SHPK: variants seen among roughly 807,000 people sequenced by gnomAD.
The protein encoded by SHPK is carbohydrate kinase-like protein.
SHPK carries 51 observed loss-of-function variants against 46.3 expected under a neutral mutation model. That is an observed-to-expected ratio of 1.10 (90% confidence interval 0.88 to 1.39). SHPK has a LOEUF of 1.39. Ranked by LOEUF, SHPK falls within the 40% of genes most tolerant of loss-of-function variation. SHPK has a pLI of 0.00. For synonymous variants in SHPK, 290 were observed against 273.9 expected (o/e 1.06, Z -0.58); for missense variants, 668 against 641.3 (o/e 1.04, Z -0.45).
intron 6 of SHPK, among the ~76,000 whole-genome samples, chr17:3,611,517 G>A (rs1027982616): frequency 1.3e-5 from 2 of 152,156 alleles, no homozygotes; most frequent in South Asian, 2.1e-4. Flanking sequence ...TGCAGTGAGC[G>A]GAGCTTGCAC....
intron 4 of SHPK, 32 bp downstream of exon 4, chr17:3,623,307 G>A (rs2075413422): frequency 1.2e-6 from 2 of 1,612,770 alleles, no homozygotes; most frequent in East Asian, 2.2e-5. Flanking sequence ...GATTGGAGCA[G>A]GAGGAACAGC....
intron 2 of SHPK, among the ~76,000 whole-genome samples, chr17:3,628,361 C>T (rs768392031): frequency 1.2e-4 from 18 of 148,966 alleles, no homozygotes; most frequent in Non-Finnish European, 1.9e-4. Flanking sequence ...CTTGTTCTGT[C>T]GCCCAGGTTG....
In SHPK at chr17:3,610,471, C is replaced by CCA; in HGVS notation, c.*88_*89insTG. On this transcript the variant is annotated 3_prime_UTR_variant, in exon 7 of 7. Coordinates refer to ENST00000225519, the MANE Select transcript of SHPK (RefSeq NM_013276.4). ...CACTGCTTGAAAGCTGTCCACTGAA[C>CCA]GGTCCAGGGAAAGGATGACCCACAG... 1 of 1,351,652 alleles carries CCA rather than the reference C, an allele frequency of 7.4e-7. No homozygotes were observed. Among genetic ancestry groups the CCA allele is most frequent in the Non-Finnish European group, 1.0e-6 (1 of 984,454 alleles). 83.7% of individuals were successfully genotyped at this position (1,351,652 alleles called of 1,614,324 possible). A position where few individuals can be genotyped will look rare whatever the true frequency, so the allele number is the denominator to read the frequency against.
chr17:3,619,317 C>T, intron 5 of SHPK: 4 of 1,077,706 alleles, frequency 3.7e-6, no homozygotes, highest in Non-Finnish European at 5.7e-6. Flanking sequence ...GATCAGTCCA[C>T]CACAGTTACG....
Position 3,615,452 on chromosome 17 carries a change from T to C in SHPK, c.909A>G (p.Pro303=). ...QPAQTPDPTA[P]VAYFPYFNRT... is the part of the protein sequence containing the mutation. The stretch of plus-strand genomic sequence containing the variant: ...TGTTGAAGTATGGGAAGTAGGCGAC[T>C]GGGGCCGTAGGGTCTGGAGTCTGTG... The change falls in exon 6 of 7, where the codon CCA becomes CCG. Residue 303 remains proline (P), a synonymous_variant. Transcript: ENST00000225519. 9.3e-6 allele frequency: 15 copies of C among 1,614,136 alleles called. No individual in the cohort carries two copies. The highest frequency in any genetic ancestry group is 1.3e-5 in the Non-Finnish European group (15 of 1,180,008).
At chr17:3,613,588 C>T (rs1026425855) in intron 6 of SHPK, among the ~76,000 whole-genome samples, 3 of 151,904 alleles carry the variant, frequency 2.0e-5, no homozygotes, top group Non-Finnish European at 2.9e-5. Context: ...AGGCTGGTCT[C>T]GAACTCCTGA....
chr17:3,630,922 T>C (rs1176565889), intron 1 of SHPK, among the ~76,000 whole-genome samples: 1 of 152,038 alleles, frequency 6.6e-6, no homozygotes, highest in Non-Finnish European at 1.5e-5. Context: ...GGAAGAGAAT[T>C]GTGGCTCAGC....
chr17:3,630,323 T>G lies in SHPK; in HGVS notation c.192A>C (p.Arg64Ser). 1 of 1,612,198 alleles carries G rather than the reference T, an allele frequency of 6.2e-7. No individual in the cohort carries two copies. Among genetic ancestry groups the G allele is most frequent in the Non-Finnish European group, 8.5e-7 (1 of 1,179,298 alleles). Residue 64 changes from arginine (R) to serine (S), a missense_variant, in exon 2 of 7, where the codon AGA (arginine) becomes AGC (serine). Transcript: ENST00000225519. ...GGCACTCGTGTAGGGCTTGGAGGAT[T>G]CTACTCACATCCTGCTCCCGCCCCT... The part of the protein sequence containing the change: ...GPQGREQDVS[R>S]ILQALHECLA...
At chr17:3,615,036 G>C (rs544346031) in intron 6 of SHPK, among the ~76,000 whole-genome samples, 2 of 151,798 alleles carry the variant, frequency 1.3e-5, no homozygotes, top group East Asian at 3.9e-4. Flanking sequence ...AGCAGGAGGA[G>C]AAAAGAGGGA....
intron 1 of SHPK, among the ~76,000 whole-genome samples, chr17:3,632,105 C>T (rs1027586632): frequency 4.0e-5 from 6 of 151,686 alleles, no homozygotes; most frequent in South Asian, 2.1e-4. Flanking sequence ...TATAGGTGCG[C>T]GCCACCACAC....
At chr17:3,612,683 G>A (rs951581584) in intron 6 of SHPK, among the ~76,000 whole-genome samples, 1 of 151,730 alleles carries the variant, frequency 6.6e-6, no homozygotes, top group Non-Finnish European at 1.5e-5. Context: ...GGGAGCCCCC[G>A]ACCTAGACCT....
rs144355201 is a variant in SHPK, at chr17:3,633,958, G to C, written c.168+2094C>G. ...TTCTGCCTTGGGATCCTGTTGATCT[G>C]TGACCTTACCCCCAACCCTGTGCTC... On this transcript the variant is annotated intron_variant, in intron 1 of 6. Transcript: ENST00000225519. 1.1e-4 allele frequency among the ~76,000 whole-genome samples: 17 copies of C among 150,558 alleles called. 1 individual carries two copies. The highest frequency in any genetic ancestry group is 7.3e-4 in the Admixed American group (11 of 15,014).
Position 3,636,040 on chromosome 17 carries a change from G to GGTCCAACTCACCTGGGGCCCGGCC in SHPK, c.156_168+11dup, listed in dbSNP as rs770382145. The GGTCCAACTCACCTGGGGCCCGGCC allele has an allele frequency of 6.5e-7, 1 of 1,539,434 alleles. No homozygotes were observed. Among genetic ancestry groups the GGTCCAACTCACCTGGGGCCCGGCC allele is most frequent in the Non-Finnish European group, 8.7e-7 (1 of 1,146,898 alleles). On this transcript the variant is annotated intron_variant, in intron 1 of 6. Transcript: ENST00000225519. ...CTCCTGGAGGCGGCGCGGCCCCGGG[G>GGTCCAACTCACCTGGGGCCCGGCC]GTCCAACTCACCTGGGGCCCGGCCA...
chr17:3,612,367 A>G (rs1011977824), intron 6 of SHPK, among the ~76,000 whole-genome samples: 5 of 151,044 alleles, frequency 3.3e-5, no homozygotes, highest in Admixed American at 3.3e-4. Flanking sequence ...CAGAGCTTGC[A>G]GTGAGCTGAG....
chr17:3,635,890 TCATGAGCACAG>T (rs1217148266), intron 1 of SHPK, among the ~76,000 whole-genome samples, 151 bp downstream of exon 1: 4 of 151,920 alleles, frequency 2.6e-5, no homozygotes, highest in African/African-American at 9.7e-5. Context: ...ACCTAAGGGA[TCATGAGCACAG>T]CTGCTGCAGG....
At chr17:3,629,728 T>TA (rs59844560) in intron 2 of SHPK, among the ~76,000 whole-genome samples, 44,030 of 121,550 alleles carry the variant, frequency 0.36, 8,609 homozygotes, top group East Asian at 0.67. Flanking sequence ...AACTCCACCT[T>TA]AAAAAAAAAA....
chr17:3,630,394 G>C, intron 1 of SHPK, 48 bp from the exon 2 acceptor site: 1 of 1,557,354 alleles, frequency 6.4e-7, no homozygotes, highest in South Asian at 1.2e-5. Flanking sequence ...CACAGGCAGG[G>C]GGAGGGGCGC....
chr17:3,635,582 G>A (rs945311450), intron 1 of SHPK, among the ~76,000 whole-genome samples: 6 of 152,232 alleles, frequency 3.9e-5, no homozygotes, highest in Non-Finnish European at 8.8e-5. Context: ...AATGAGCCAG[G>A]AGCCAGTTAG....
chr17:3,626,166 C>A (rs2075435706), intron 2 of SHPK, among the ~76,000 whole-genome samples: 2 of 152,178 alleles, frequency 1.3e-5, no homozygotes, highest in South Asian at 4.1e-4. Context: ...GGGATCTGAT[C>A]TTTTGCTCTG....
Sources: gnomAD v4.1 joint callset for allele counts (sites outside exome capture counted in the v4.1 genomes callset) on GRCh38, gnomAD v4.1.1 for gene constraint, MANE v1.5 for transcripts, NCBI Gene and HGNC (gene_info 2026-07-23, HGNC 2026-07-21) for gene names.